XKR9: variants seen among roughly 807,000 people sequenced by gnomAD.
XKR9 encodes XK related 9.
Under a neutral mutation model 32.0 loss-of-function variants are expected in XKR9, and 32 were observed. The observed-to-expected ratio is 1.00, with a 90% CI of 0.76 to 1.34. The LOEUF is 1.34. Ranked by LOEUF, XKR9 falls within the 40% of genes most tolerant of loss-of-function variation. The pLI is 0.00. For missense variants in XKR9, 546 were observed against 429.7 expected, an observed-to-expected ratio of 1.27 and a Z score of -2.39; for synonymous variants, 168 against 143.4, an observed-to-expected ratio of 1.17 and a Z score of -1.22.
the XKR9 span, among the ~76,000 whole-genome samples, chr8:70,827,534 TAACTC>T: frequency 1.3e-5 from 2 of 152,158 alleles, no homozygotes; most frequent in Non-Finnish European, 2.9e-5. Flanking sequence ...AAAAATCTGT[TAACTC>T]TATTAAGAGA....
At chr8:70,726,405 C>A (rs892864706) in intron 4 of XKR9, among the ~76,000 whole-genome samples, 1 of 152,192 alleles carries the variant, frequency 6.6e-6, no homozygotes, top group South Asian at 2.1e-4. Context: ...CACTGTAGAC[C>A]TCTTACTTGG....
chr8:71,047,645 T>C, the XKR9 span, among the ~76,000 whole-genome samples: 2 of 152,212 alleles, frequency 1.3e-5, no homozygotes, highest in Non-Finnish European at 2.9e-5. Flanking sequence ...GAGGCACTTA[T>C]CTTTATTTTA....
chr8:70,879,185 A>G, the XKR9 span, among the ~76,000 whole-genome samples: 1 of 152,212 alleles, frequency 6.6e-6, no homozygotes, highest in Non-Finnish European at 1.5e-5. Context: ...ATAGCACTAA[A>G]TACTCCCAAG....
At chr8:70,900,177 C>A in the XKR9 span, among the ~76,000 whole-genome samples, 2 of 152,060 alleles carry the variant, frequency 1.3e-5, no homozygotes, top group African/African-American at 4.8e-5. Flanking sequence ...ACTTCCCACT[C>A]CCAAACCCTT....
At chr8:70,695,662 G>A (rs1421816133) in intron 3 of XKR9, among the ~76,000 whole-genome samples, 1 of 151,912 alleles carries the variant, frequency 6.6e-6, no homozygotes, top group Admixed American at 6.6e-5. Flanking sequence ...CTTTATAGCA[G>A]CATGATTTAT....
At chr8:70,909,864 A>ATATTTTTTTTTTTGTAT in the XKR9 span, among the ~76,000 whole-genome samples, 1 of 151,776 alleles carries the variant, frequency 6.6e-6, no homozygotes, top group East Asian at 2.0e-4. Flanking sequence ...ATGTGCCACC[A>ATATTTTTTTTTTTGTAT]TGCCTGGCTA....
the XKR9 span, among the ~76,000 whole-genome samples, chr8:70,811,440 C>T: frequency 6.6e-6 from 1 of 152,252 alleles, no homozygotes. Context: ...TCACTAAAAT[C>T]AGAGCAGAAC....
At chr8:70,769,228 C>CTTT (rs879627943) in intron 2 of XKR9, among the ~76,000 whole-genome samples, 2 of 132,892 alleles carry the variant, frequency 1.5e-5, no homozygotes, top group Non-Finnish European at 3.3e-5. Context: ...GTTGAAAAAT[C>CTTT]TTTTTTTTTT....
downstream of XKR9, among the ~76,000 whole-genome samples, chr8:70,736,395 C>A (rs1357783742): frequency 2.2e-4 from 33 of 152,086 alleles, no homozygotes; most frequent in African/African-American, 4.8e-4. Context: ...AGGTTGCGAA[C>A]ATTTTCTCCC....
downstream of XKR9, among the ~76,000 whole-genome samples, chr8:70,739,303 TG>T (rs1181127778): frequency 1.3e-5 from 2 of 152,230 alleles, no homozygotes; most frequent in South Asian, 2.1e-4. Context: ...CTGCCTTTTT[TG>T]TTTTCCATTT....
At chr8:70,998,300 A>G in the XKR9 span, among the ~76,000 whole-genome samples, 1 of 152,126 alleles carries the variant, frequency 6.6e-6, no homozygotes, top group Non-Finnish European at 1.5e-5. Context: ...CAATTAAGGG[A>G]CTCCTGCCAA....
the XKR9 span, among the ~76,000 whole-genome samples, chr8:70,809,901 C>G: frequency 6.6e-6 from 1 of 152,178 alleles, no homozygotes; most frequent in South Asian, 2.1e-4. Context: ...CCCAATCTAG[C>G]AAGGCAGGCC....
the XKR9 span, among the ~76,000 whole-genome samples, chr8:70,854,143 A>G: frequency 6.6e-6 from 1 of 152,186 alleles, no homozygotes; most frequent in Non-Finnish European, 1.5e-5. Flanking sequence ...AGTCCCAGCA[A>G]CAGTGTAAAA....
chr8:70,840,167 C>A, the XKR9 span, among the ~76,000 whole-genome samples: 2 of 152,174 alleles, frequency 1.3e-5, no homozygotes, highest in Non-Finnish European at 2.9e-5. Flanking sequence ...GCTGTACCTC[C>A]ATGATCTTCT....
chr8:71,013,923 G>C, the XKR9 span, among the ~76,000 whole-genome samples: 1 of 152,044 alleles, frequency 6.6e-6, no homozygotes, highest in Non-Finnish European at 1.5e-5. Context: ...AATATGAGCT[G>C]ATTTCCCCAC....
At chr8:71,022,615 A>C in the XKR9 span, among the ~76,000 whole-genome samples, 3 of 152,160 alleles carry the variant, frequency 2.0e-5, no homozygotes, top group Non-Finnish European at 2.9e-5. Flanking sequence ...TTTGGGTTGT[A>C]TCTATGCAGG....
the XKR9 span, among the ~76,000 whole-genome samples, chr8:70,807,080 G>A: frequency 5.3e-5 from 8 of 151,876 alleles, no homozygotes; most frequent in African/African-American, 9.7e-5. Context: ...AGCAGAAACC[G>A]TACAAGGCAG....
chr8:70,694,306 C>T (rs1805182582), intron 3 of XKR9, among the ~76,000 whole-genome samples: 1 of 152,168 alleles, frequency 6.6e-6, no homozygotes, highest in South Asian at 2.1e-4. Context: ...CCACTTCAGC[C>T]CCTGGTTGCC....
At chr8:70,878,508 GTC>G in the XKR9 span, among the ~76,000 whole-genome samples, 1 of 152,154 alleles carries the variant, frequency 6.6e-6, no homozygotes, top group South Asian at 2.1e-4. Flanking sequence ...TGCAATCCTA[GTC>G]TCTGATAAAA....
Sources: gnomAD v4.1 joint callset for allele counts (sites outside exome capture counted in the v4.1 genomes callset) on GRCh38, gnomAD v4.1.1 for gene constraint, MANE v1.5 for transcripts, NCBI Gene and HGNC (gene_info 2026-07-23, HGNC 2026-07-21) for gene names.